PDE1A: variants seen among roughly 807,000 people sequenced by gnomAD.
The protein encoded by PDE1A is dual specificity calcium/calmodulin-dependent 3',5'-cyclic nucleotide phosphodiesterase 1A.
Under a neutral mutation model 61.7 loss-of-function variants are expected in PDE1A, and 35 were observed. That is an observed-to-expected ratio of 0.57 (90% CI 0.43 to 0.75). The LOEUF (loss-of-function observed/expected upper bound fraction) is 0.75. Ranked by LOEUF, PDE1A falls within the 30% of genes least tolerant of loss-of-function variation. The probability of loss-of-function intolerance (pLI) is 0.00; values close to 1 mark genes in which losing one functional copy is unlikely to be tolerated. For missense variants in PDE1A, 597 were observed against 630.6 expected, an observed-to-expected ratio of 0.95 and a Z score of 0.57; for synonymous variants, 232 against 213.2, an observed-to-expected ratio of 1.09 and a Z score of -0.77.
At chr2:182,150,546 G>C (rs1264647538) in intron 13 of PDE1A, among the ~76,000 whole-genome samples, 1 of 152,104 alleles carries the variant, frequency 6.6e-6, no homozygotes, top group Non-Finnish European at 1.5e-5. Context: ...TTGTCAGCCA[G>C]GAAAAACAGT....
chr2:182,482,863 T>C (rs1687789951), intron 2 of PDE1A, among the ~76,000 whole-genome samples: 1 of 151,954 alleles, frequency 6.6e-6, no homozygotes, highest in Non-Finnish European at 1.5e-5. Flanking sequence ...GTCAATTAGC[T>C]GTAACTAGAC....
chr2:182,686,564 C>T, the PDE1A span, among the ~76,000 whole-genome samples: 4 of 152,134 alleles, frequency 2.6e-5, no homozygotes, highest in Non-Finnish European at 5.9e-5. Flanking sequence ...TCCAAGATGG[C>T]CGAATAGGAA....
the PDE1A span, among the ~76,000 whole-genome samples, chr2:182,680,367 C>T: frequency 1.3e-5 from 2 of 151,966 alleles, no homozygotes; most frequent in Non-Finnish European, 2.9e-5. Context: ...TGCATCACCA[C>T]GCCTGGCTAA....
intron 6 of PDE1A, among the ~76,000 whole-genome samples, chr2:182,226,244 CAG>C (rs1409447441): frequency 6.7e-6 from 1 of 149,620 alleles, no homozygotes; most frequent in African/African-American, 2.5e-5. Context: ...ATTAGAAAAT[CAG>C]AGATGGAATT....
At chr2:182,227,790 C>A (rs918572023) in intron 6 of PDE1A, among the ~76,000 whole-genome samples, 1 of 151,996 alleles carries the variant, frequency 6.6e-6, no homozygotes, top group Non-Finnish European at 1.5e-5. Context: ...CAAACAGTAT[C>A]ATATTGGAAG....
chr2:182,629,083 G>A, the PDE1A span, among the ~76,000 whole-genome samples: 1 of 152,248 alleles, frequency 6.6e-6, no homozygotes, highest in South Asian at 2.1e-4. Flanking sequence ...GAGACATAAG[G>A]GTGGCCTCCA....
chr2:182,316,931 A>G (rs111259081), intron 1 of PDE1A, among the ~76,000 whole-genome samples: 2,415 of 152,310 alleles, frequency 0.016, 35 homozygotes, highest in South Asian at 0.067. Context: ...AAAGTTACTT[A>G]CATCCTTTTG....
chr2:182,694,120 T>G, the PDE1A span, among the ~76,000 whole-genome samples: 1 of 152,204 alleles, frequency 6.6e-6, no homozygotes, highest in African/African-American at 2.4e-5. Context: ...ATAGATATAT[T>G]TATGTCGTTG....
intron 2 of PDE1A, among the ~76,000 whole-genome samples, chr2:182,459,452 G>A (rs1024269914): frequency 2.6e-5 from 4 of 152,088 alleles, no homozygotes; most frequent in Non-Finnish European, 5.9e-5. Flanking sequence ...CAAGTTTTAT[G>A]TTCTGCCTTG....
chr2:182,384,186 G>A (rs550571979), intron 1 of PDE1A, among the ~76,000 whole-genome samples: 19 of 152,322 alleles, frequency 1.2e-4, no homozygotes, highest in African/African-American at 4.6e-4. Flanking sequence ...GACAAAGCCA[G>A]TTTACAAATA....
At chr2:182,185,734 C>T (rs367816456) in intron 13 of PDE1A, 158 bp downstream of exon 13, 1 of 1,389,564 alleles carries the variant, frequency 7.2e-7, no homozygotes, top group Non-Finnish European at 9.6e-7. Context: ...ATAAATGAGC[C>T]AACTTTCTCA....
At chr2:182,533,114 C>A in the PDE1A span, among the ~76,000 whole-genome samples, 1 of 152,132 alleles carries the variant, frequency 6.6e-6, no homozygotes, top group Non-Finnish European at 1.5e-5. Context: ...GAGTTGGAGA[C>A]AAGCCTGGCC....
the PDE1A span, among the ~76,000 whole-genome samples, chr2:182,710,154 C>T: frequency 2.0e-5 from 3 of 152,232 alleles, no homozygotes; most frequent in Non-Finnish European, 4.4e-5. Flanking sequence ...CTTGGCCTCC[C>T]AAAGTGCTGG....
chr2:182,212,497 T>C (rs1687711256), intron 7 of PDE1A, among the ~76,000 whole-genome samples: 1 of 152,174 alleles, frequency 6.6e-6, no homozygotes, highest in African/African-American at 2.4e-5. Flanking sequence ...CATTTCCATC[T>C]GAGGTACCGG....
At chr2:182,628,211 A>T in the PDE1A span, among the ~76,000 whole-genome samples, 1 of 152,198 alleles carries the variant, frequency 6.6e-6, no homozygotes, top group Non-Finnish European at 1.5e-5. Flanking sequence ...GAGAAATAGA[A>T]GGATGTGAAG....
chr2:182,608,829 G>A, the PDE1A span, among the ~76,000 whole-genome samples: 2 of 152,246 alleles, frequency 1.3e-5, no homozygotes, highest in African/African-American at 2.4e-5. Flanking sequence ...GCTCTGGTGC[G>A]GGATCCACTG....
At chr2:182,695,536 T>G in the PDE1A span, among the ~76,000 whole-genome samples, 5 of 151,522 alleles carry the variant, frequency 3.3e-5, no homozygotes, top group African/African-American at 9.7e-5. Context: ...GCGCGGTGGC[T>G]GGCGCCTGTA....
chr2:182,576,555 G>T, the PDE1A span, among the ~76,000 whole-genome samples: 1 of 152,060 alleles, frequency 6.6e-6, no homozygotes, highest in African/African-American at 2.4e-5. Flanking sequence ...TCAAGATCTT[G>T]CTTTCAACTC....
intron 2 of PDE1A, among the ~76,000 whole-genome samples, chr2:182,444,074 G>A (rs1559468969): frequency 6.6e-6 from 1 of 152,108 alleles, no homozygotes; most frequent in Non-Finnish European, 1.5e-5. Context: ...GCCTAATATA[G>A]GCTAGGTCTC....
Sources: gnomAD v4.1 joint callset for allele counts (sites outside exome capture counted in the v4.1 genomes callset) on GRCh38, gnomAD v4.1.1 for gene constraint, MANE v1.5 for transcripts, NCBI Gene and HGNC (gene_info 2026-07-23, HGNC 2026-07-21) for gene names.